Variants in CAMKMT observed in about 807,000 individuals in gnomAD.
CAMKMT encodes CaM KMT.
In CAMKMT, 53 loss-of-function variants were observed where a neutral mutation model predicts 48.0. The ratio of observed to expected loss-of-function variants is 1.10; its 90% CI spans 0.89 to 1.39. The LOEUF is 1.39. CAMKMT is among the 40% of genes most tolerant of loss of function. The pLI is 0.00. For synonymous variants in CAMKMT, 165 were observed against 152.3 expected, an observed-to-expected ratio of 1.08 and a Z score of -0.61; for missense variants, 428 against 402.7, an observed-to-expected ratio of 1.06 and a Z score of -0.54.
chr2:44,577,697 CGGAGAGGGAGAG>C lies in CAMKMT; in HGVS notation c.377-126580_377-126569del, dbSNP rs1305199624. Reference sequence around the variant, plus strand: ...AGGGAGACAGAGAGGGAGAGGGAGACGGAGAGGGAGAGGGAGATGGAGAGGGAGAATATTCCT... The same window carrying C: ...AGGGAGACAGAGAGGGAGAGGGAGACGGAGATGGAGAGGGAGAATATTCCT... On this transcript the variant is annotated intron_variant, in intron 3 of 10. Coordinates refer to ENST00000378494, the MANE Select transcript of CAMKMT (RefSeq NM_024766.5). Among the ~76,000 whole-genome samples the C allele has an allele frequency of 4.2e-4, 25 of 59,428 alleles. No individual in the cohort carries two copies. The Admixed American group carries it at 4.9e-3, about 12-fold the overall frequency. The allele number at this position is 59,428 out of a possible 152,430, so 39.0% of individuals were successfully genotyped here.
chr2:44,510,389 G>A (rs1670479147), intron 3 of CAMKMT, among the ~76,000 whole-genome samples: 1 of 152,162 alleles, frequency 6.6e-6, no homozygotes, highest in Admixed American at 6.5e-5. Flanking sequence ...GAATATTACA[G>A]AAGTGATGTG....
At position 44,667,913 on chromosome 2, in the gene CAMKMT, G is replaced by A. The variant is rs138652518; in HGVS notation, c.377-36370G>A. Among the ~76,000 whole-genome samples the A allele has an allele frequency of 5.3e-5, 8 of 152,178 alleles. No individual in the cohort carries two copies. In the East Asian group the frequency reaches 1.5e-3, roughly 29 times the overall value. ...ATCTTCTTCCCTATTTAGGTTCCAT[G>A]CCCATGACTAGGTATTTCATCCTCG... On this transcript the variant is annotated intron_variant, in intron 3 of 10. Coordinates refer to ENST00000378494, the MANE Select transcript of CAMKMT (RefSeq NM_024766.5).
At chr2:44,488,803 AC>A (rs1669336718) in intron 3 of CAMKMT, among the ~76,000 whole-genome samples, 1 of 151,828 alleles carries the variant, frequency 6.6e-6, no homozygotes. Context: ...TTTTTTAAGC[AC>A]AAGGATACTT....
At position 44,556,450 on chromosome 2, in the gene CAMKMT, CTTTTTTTTTTTTTTT is replaced by C. The variant is rs1176467214; in HGVS notation, c.377-147817_377-147803del. 1.4e-4 allele frequency among the ~76,000 whole-genome samples: 7 copies of C among 50,278 alleles called. 2 individuals are homozygous for C. Among genetic ancestry groups the C allele is most frequent in the African/African-American group, 6.4e-4 (7 of 10,934 alleles). 33.0% of individuals were successfully genotyped at this position (50,278 alleles called of 152,430 possible). On this transcript the variant is annotated intron_variant, in intron 3 of 10. Transcript: ENST00000378494. ...CACCGTGTCCAGCCAATTTTTCTTT[CTTTTTTTTTTTTTTT>C]TTTTTTTTTTTTTTTGAGACGGAGT...
intron 2 of CAMKMT, among the ~76,000 whole-genome samples, chr2:44,379,089 T>A (rs1679984351): frequency 6.6e-6 from 1 of 152,194 alleles, no homozygotes. Flanking sequence ...CTTCCTCTAG[T>A]CCCTGGCAAC....
intron 3 of CAMKMT, among the ~76,000 whole-genome samples, chr2:44,585,252 C>A (rs961359686): frequency 6.6e-6 from 1 of 152,182 alleles, no homozygotes; most frequent in Non-Finnish European, 1.5e-5. Context: ...TGGGTAGTCA[C>A]TGTCTTGGCT....
intron 9 of CAMKMT, among the ~76,000 whole-genome samples, chr2:44,755,333 A>G (rs1680326404): frequency 6.6e-6 from 1 of 152,134 alleles, no homozygotes; most frequent in African/African-American, 2.4e-5. Flanking sequence ...AGGCCACCCA[A>G]GTTGAGGACA....
At chr2:44,543,542 A>T (rs968707254) in intron 3 of CAMKMT, among the ~76,000 whole-genome samples, 1 of 152,206 alleles carries the variant, frequency 6.6e-6, no homozygotes, top group Non-Finnish European at 1.5e-5. Context: ...ATCAGCTGAG[A>T]TTAACTATGC....
chr2:44,635,136 A>G (rs1166617734), intron 3 of CAMKMT, among the ~76,000 whole-genome samples: 2 of 152,172 alleles, frequency 1.3e-5, no homozygotes, highest in African/African-American at 4.8e-5. Context: ...TGAGCATCCA[A>G]AGGGTGAGTA....
In CAMKMT at chr2:44,644,709, T is replaced by A. The variant is rs142412927; in HGVS notation, c.377-59574T>A. On this transcript the variant is annotated intron_variant, in intron 3 of 10. Coordinates refer to ENST00000378494, the MANE Select transcript of CAMKMT (RefSeq NM_024766.5). ...TTTGGTTAGGTTGGGTAAAAACTGT[T>A]CACTGGTGTCATTTTTTATAATTAG... is the stretch of plus-strand genomic sequence containing the variant. Among the ~76,000 whole-genome samples, 310 of 152,304 alleles carry A rather than the reference T, an allele frequency of 2.0e-3. 1 individual carries two copies. In the Middle Eastern group the frequency reaches 0.024, roughly 12 times the overall value.
chr2:44,671,139 G>A (rs1253149803), intron 3 of CAMKMT, among the ~76,000 whole-genome samples: 1 of 152,192 alleles, frequency 6.6e-6, no homozygotes, highest in Non-Finnish European at 1.5e-5. Context: ...TAAGTGTGCT[G>A]AAGTTATTCT....
At chr2:44,749,239 G>A (rs1229896387) in intron 8 of CAMKMT, among the ~76,000 whole-genome samples, 1 of 152,176 alleles carries the variant, frequency 6.6e-6, no homozygotes, top group East Asian at 1.9e-4. Context: ...CTTCTTATAA[G>A]CTGCTCTCCT....
Position 44,372,905 on chromosome 2 carries a change from T to C in CAMKMT, c.311+17T>C. 1 of 1,591,628 alleles carries C rather than the reference T, an allele frequency of 6.3e-7. No homozygotes were observed. The highest frequency in any genetic ancestry group is 1.2e-5 in the South Asian group (1 of 85,778). On this transcript the variant is annotated intron_variant, in intron 2 of 10. Transcript: ENST00000378494. ...CTCCTTAAGGTAACCATTATTCTAG[T>C]TAAGATTTTGTAAACACTAGATTTC...
In CAMKMT at chr2:44,652,880, G is replaced by A. The variant is rs111449849; in HGVS notation, c.377-51403G>A. Among the ~76,000 whole-genome samples, 296 of 152,310 alleles carry A rather than the reference G, an allele frequency of 1.9e-3. No homozygotes were observed. In the Middle Eastern group the frequency reaches 0.024, roughly 12 times the overall value. ...GCCTGCCCTCAGTTATTCAGAGACCGAGCATCTAAAGTGTGGATTATCCAG... is the reference window on the plus strand; with the variant it reads ...GCCTGCCCTCAGTTATTCAGAGACCAAGCATCTAAAGTGTGGATTATCCAG... On this transcript the variant is annotated intron_variant, in intron 3 of 10. Transcript: ENST00000378494.
At chr2:44,488,878 T>TGTGTGTGTGTGTGTG (rs1669344972) in intron 3 of CAMKMT, among the ~76,000 whole-genome samples, 2 of 98,682 alleles carry the variant, frequency 2.0e-5, no homozygotes, top group African/African-American at 5.5e-5. Flanking sequence ...TGTGTGTGTG[T>TGTGTGTGTGTGTGTG]TTTAAGAAAT....
rs546303951 is a variant in CAMKMT at position 44,756,817 on chromosome 2, C to G, written c.762+2699C>G. Reference sequence around the variant, plus strand: ...GGGGCTACATGGTGGATCCTGAGTTCTTGATGATTCAGTGCAAGATACAGC... The same window carrying G: ...GGGGCTACATGGTGGATCCTGAGTTGTTGATGATTCAGTGCAAGATACAGC... On this transcript the variant is annotated intron_variant, in intron 9 of 10. Transcript: ENST00000378494. Among the ~76,000 whole-genome samples, 90 of 152,142 alleles carry G rather than the reference C, an allele frequency of 5.9e-4. 1 individual carries two copies. The highest frequency in any genetic ancestry group is 1.9e-4 in the East Asian group (1 of 5,182).
At chr2:44,489,917 C>G (rs1266948061) in intron 3 of CAMKMT, among the ~76,000 whole-genome samples, 2 of 152,042 alleles carry the variant, frequency 1.3e-5, no homozygotes, top group African/African-American at 4.8e-5. Flanking sequence ...GAAGCCCAAA[C>G]CTCAGTATTA....
At chr2:44,587,659 TTG>T (rs1669944447) in intron 3 of CAMKMT, among the ~76,000 whole-genome samples, 1 of 100,174 alleles carries the variant, frequency 1.0e-5, no homozygotes, top group Non-Finnish European at 2.2e-5. Flanking sequence ...TTTTTTTTTT[TTG>T]GTGGAGACGG....
intron 3 of CAMKMT, among the ~76,000 whole-genome samples, chr2:44,506,232 G>C (rs532673064): frequency 6.6e-6 from 1 of 152,104 alleles, no homozygotes; most frequent in Non-Finnish European, 1.5e-5. Flanking sequence ...CTAAGTGGTA[G>C]GGGTATAAAA....
Sources: allele counts gnomAD v4.1 joint callset (sites outside exome capture counted in the v4.1 genomes callset), GRCh38; gene constraint gnomAD v4.1.1; transcripts MANE v1.5; gene names NCBI Gene and HGNC (gene_info 2026-07-23, HGNC 2026-07-21).